Variants in BEND3 observed in about 807,000 individuals in gnomAD.
BEND3 encodes BEN domain-containing protein 3.
BEND3 carries 13 observed loss-of-function variants against 60.1 expected under a neutral mutation model. The ratio of observed to expected loss-of-function variants is 0.22; its 90% CI spans 0.14 to 0.34. The LOEUF is 0.34. Ranked by LOEUF, BEND3 falls within the 10% of genes least tolerant of loss-of-function variation. The probability of loss-of-function intolerance (pLI) is 1.00; values close to 1 mark genes in which losing one functional copy is unlikely to be tolerated. For synonymous variants in BEND3, 497 were observed against 491.5 expected (o/e 1.01, Z -0.15); for missense variants, 896 against 1,138.1 (o/e 0.79, Z 3.06).
At chr6:107,098,472 C>T (rs562843352) in intron 3 of BEND3, 79 bp downstream of exon 3, 14 of 1,492,018 alleles carry the variant, frequency 9.4e-6, no homozygotes, top group African/African-American at 1.4e-5. Flanking sequence ...GCCAGGATGC[C>T]CAAAACAAGA....
At chr6:107,075,333 T>C (rs6917906) in intron 3 of BEND3, among the ~76,000 whole-genome samples, 2,395 of 152,174 alleles carry the variant, frequency 0.016, 76 homozygotes, top group African/African-American at 0.056. Flanking sequence ...AGTTAAGAGT[T>C]TTGTTTCATT....
intron 3 of BEND3, among the ~76,000 whole-genome samples, chr6:107,088,537 T>C (rs1554234673): frequency 6.6e-6 from 1 of 151,962 alleles, no homozygotes; most frequent in African/African-American, 2.4e-5. Flanking sequence ...AAATCCACTA[T>C]ACCTAGGCAT....
At chr6:107,105,824 A>G (rs1399029314) in intron 1 of BEND3, among the ~76,000 whole-genome samples, 2 of 152,180 alleles carry the variant, frequency 1.3e-5, no homozygotes, top group African/African-American at 2.4e-5. Context: ...CCCTGACCTC[A>G]TGCCACTCAG....
At position 107,069,320 on chromosome 6, in the gene BEND3, C is replaced by T. The variant is rs1316134137; in HGVS notation, c.1871G>A (p.Arg624His). 8.1e-6 allele frequency: 13 copies of T among 1,612,994 alleles called. No homozygotes were observed. The highest frequency in any genetic ancestry group is 1.3e-5 in the African/African-American group (1 of 74,886). ...GGTCCAGACGCGGTCGTTTTTGGCG[C>T]GTGGGTAGAGCAGCTGCACGTAGTG... ...IRHYVQLLYPRAKNDRVWTLE... is the reference protein window; with the variant it reads ...IRHYVQLLYPHAKNDRVWTLE... Residue 624 changes from arginine to histidine, a missense_variant, in exon 4 of 4, where the codon CGC (arginine) becomes CAC (histidine). Around this residue, in one of 4 missense-constraint regions of BEND3, gnomAD observed 846 missense variants for 1,036.7 expected, o/e 0.82. Coordinates refer to ENST00000369042, the MANE Select transcript of BEND3 (RefSeq NM_001367314.1).
chr6:107,113,438 A>C (rs1440595792), intron 1 of BEND3, among the ~76,000 whole-genome samples: 2 of 44,914 alleles, frequency 4.5e-5, no homozygotes, highest in Non-Finnish European at 8.0e-5. Flanking sequence ...ACTCCGTCTC[A>C]AAAAAAAAAA....
intron 1 of BEND3, 94 bp from the exon 2 acceptor site, chr6:107,099,390 C>T: frequency 9.3e-7 from 1 of 1,079,344 alleles, no homozygotes; most frequent in Non-Finnish European, 1.4e-6. Context: ...CCTCCCAACC[C>T]CAGCTCTAGG....
At chr6:107,111,754 G>T (rs1008357483) in intron 1 of BEND3, among the ~76,000 whole-genome samples, 1 of 151,986 alleles carries the variant, frequency 6.6e-6, no homozygotes, top group African/African-American at 2.4e-5. Flanking sequence ...GGCTGAGGCC[G>T]GTGGATCACT....
At chr6:107,091,040 G>A (rs998619095) in intron 3 of BEND3, among the ~76,000 whole-genome samples, 15 of 151,798 alleles carry the variant, frequency 9.9e-5, no homozygotes, top group African/African-American at 3.4e-4. Flanking sequence ...AACCTGGAAG[G>A]CAGAGGTTAT....
At chr6:107,075,878 G>A (rs1275997429) in intron 3 of BEND3, among the ~76,000 whole-genome samples, 1 of 152,176 alleles carries the variant, frequency 6.6e-6, no homozygotes, top group Non-Finnish European at 1.5e-5. Context: ...CAGCAGGTGG[G>A]AGGCAAGAGT....
At chr6:107,108,089 T>C (rs1775859128) in intron 1 of BEND3, among the ~76,000 whole-genome samples, 1 of 152,230 alleles carries the variant, frequency 6.6e-6, no homozygotes, top group Non-Finnish European at 1.5e-5. Flanking sequence ...CAAATGCAGT[T>C]TGAAAAATAC....
intron 3 of BEND3, 28 bp downstream of exon 3, chr6:107,098,523 C>G (rs1425200040): frequency 6.2e-7 from 1 of 1,606,612 alleles, no homozygotes; most frequent in African/African-American, 1.3e-5. Context: ...AGAGCCCAAG[C>G]AAAGAGTGAC....
intron 3 of BEND3, among the ~76,000 whole-genome samples, chr6:107,080,481 A>T (rs964399515): frequency 1.1e-4 from 16 of 152,134 alleles, no homozygotes; most frequent in African/African-American, 3.4e-4. Flanking sequence ...AAGAAACAGA[A>T]GATTCAGCGG....
chr6:107,070,336 G>A lies in BEND3; in HGVS notation c.855C>T (p.Ser285=), dbSNP rs782434707. Reference sequence around the variant, plus strand: ...CAAAGCCACAGGCACTGCAGCCCCGGGAGAAGTCCACGTCGCTGAAGAGCT... The same window carrying A: ...CAAAGCCACAGGCACTGCAGCCCCGAGAGAAGTCCACGTCGCTGAAGAGCT... ...FPELFSDVDF[S]RGCSACGFAA... The change falls in exon 4 of 4, where the codon TCC becomes TCT. Residue 285 remains serine (S), a synonymous_variant. Coordinates refer to ENST00000369042, the MANE Select transcript of BEND3 (RefSeq NM_001367314.1). The surrounding 1 kb of genome is among the most constrained non-coding windows in gnomAD (Gnocchi z 6.9). 3.7e-6 allele frequency: 6 copies of A among 1,612,938 alleles called. No homozygotes were observed. The highest frequency in any genetic ancestry group is 5.1e-6 in the Non-Finnish European group (6 of 1,179,928).
In BEND3 at chr6:107,112,137, A is replaced by T. The variant is rs1554238507; in HGVS notation, c.-12+2953T>A. 2.0e-5 allele frequency among the ~76,000 whole-genome samples: 3 copies of T among 152,292 alleles called. No individual in the cohort carries two copies. In the East Asian group the frequency reaches 5.8e-4, roughly 29 times the overall value. ...ACAATTTGAGGTCTTTAAACTTTTCATCATGGTGTCAATACAATTCATATA... is the reference window on the plus strand; with the variant it reads ...ACAATTTGAGGTCTTTAAACTTTTCTTCATGGTGTCAATACAATTCATATA... On this transcript the variant is annotated intron_variant, in intron 1 of 3. Transcript: ENST00000369042.
rs548056840 is a variant in BEND3, at chr6:107,067,860, C to G, written c.*844G>C. ...AAGGAAACATGTCCACTCCCTCCAA[C>G]CAGCAACCATGTATGGAGAAGGAAT... On this transcript the variant is annotated 3_prime_UTR_variant, in exon 4 of 4. Transcript: ENST00000369042. The G allele has an allele frequency of 6.6e-6, 1 of 152,394 alleles. No individual in the cohort carries two copies. Among genetic ancestry groups the G allele is most frequent in the Non-Finnish European group, 1.5e-5 (1 of 68,072 alleles). 9.4% of individuals were successfully genotyped at this position (152,394 alleles called of 1,614,324 possible). A position where few individuals can be genotyped will look rare whatever the true frequency, so the allele number is the denominator to read the frequency against.
chr6:107,073,269 G>T (rs1329821242), intron 3 of BEND3, among the ~76,000 whole-genome samples: 1 of 94,402 alleles, frequency 1.1e-5, no homozygotes, highest in African/African-American at 4.2e-5. Context: ...ATATATGTAT[G>T]TGAGCAAATG....
intron 3 of BEND3, among the ~76,000 whole-genome samples, chr6:107,097,661 A>G (rs1474554619): frequency 6.6e-6 from 1 of 151,140 alleles, no homozygotes; most frequent in African/African-American, 2.4e-5. Flanking sequence ...ATGGTGGCGC[A>G]TGCCTGTAAT....
At chr6:107,085,515 A>C (rs1389922752) in intron 3 of BEND3, among the ~76,000 whole-genome samples, 1 of 151,274 alleles carries the variant, frequency 6.6e-6, no homozygotes, top group Admixed American at 6.6e-5. Context: ...TTTTTGAGAG[A>C]GAGTCTCACT....
chr6:107,092,545 G>A (rs1444046487), intron 3 of BEND3, among the ~76,000 whole-genome samples: 1 of 152,140 alleles, frequency 6.6e-6, no homozygotes, highest in Non-Finnish European at 1.5e-5. Flanking sequence ...AAATCAGAAG[G>A]TTTCCCATGA....
Sources: allele counts gnomAD v4.1 joint callset (sites outside exome capture counted in the v4.1 genomes callset), GRCh38; gene constraint gnomAD v4.1.1; regional missense constraint gnomAD v4.1.1; non-coding constraint Gnocchi (gnomAD v3.1); transcripts MANE v1.5; gene names NCBI Gene and HGNC (gene_info 2026-07-23, HGNC 2026-07-21).